CCDC102A: variants seen among roughly 807,000 people sequenced by gnomAD.
CCDC102A encodes coiled-coil domain containing 102A.
CCDC102A carries 40 observed loss-of-function variants against 55.5 expected under a neutral mutation model. That is an observed-to-expected ratio of 0.72 (90% CI 0.56 to 0.94). The LOEUF (loss-of-function observed/expected upper bound fraction) is 0.94. CCDC102A is among the 40% of genes least tolerant of loss of function. CCDC102A has a pLI of 0.00. For synonymous variants in CCDC102A, 323 were observed against 339.0 expected (o/e 0.95, Z 0.52); for missense variants, 779 against 768.6 (o/e 1.01, Z -0.16).
At chr16:57,528,572 C>T in intron 2 of CCDC102A, 21 bp downstream of exon 2, 1 of 1,219,202 alleles carries the variant, frequency 8.2e-7, no homozygotes, top group Non-Finnish European at 1.0e-6. Flanking sequence ...GGAGCGCGAA[C>T]GCCCCGCCCG....
chr16:57,512,625 G>A lies in CCDC102A; in HGVS notation c.*116C>T, dbSNP rs529673862. The stretch of plus-strand genomic sequence containing the variant: ...CCATCCCTGGGAGAGAAGAAAGTCG[G>A]CTGTGGCAGGGACTGGTCCCAGAGT... On this transcript the variant is annotated 3_prime_UTR_variant, in exon 9 of 9. Transcript: ENST00000258214. The A allele has an allele frequency of 2.3e-6, 3 of 1,306,968 alleles. No individual in the cohort carries two copies. The East Asian group carries it at 7.2e-5, about 31-fold the overall frequency. 81.0% of individuals were successfully genotyped at this position (1,306,968 alleles called of 1,614,324 possible).
chr16:57,515,729 G>A (rs187723562), intron 7 of CCDC102A, among the ~76,000 whole-genome samples: 11 of 151,488 alleles, frequency 7.3e-5, no homozygotes, highest in African/African-American at 1.7e-4. Flanking sequence ...TCTGTCCATC[G>A]GACCATTCGT....
At chr16:57,534,445 T>C (rs1452764416) in intron 1 of CCDC102A, among the ~76,000 whole-genome samples, 1 of 152,222 alleles carries the variant, frequency 6.6e-6, no homozygotes, top group Non-Finnish European at 1.5e-5. Flanking sequence ...TGGACTTGTC[T>C]GGAATATCTC....
chr16:57,528,653 C>A lies in CCDC102A; in HGVS notation c.525G>T (p.Glu175Asp). The A allele has an allele frequency of 8.5e-7, 1 of 1,180,944 alleles. No individual in the cohort carries two copies. The highest frequency in any genetic ancestry group is 2.5e-5 in the South Asian group (1 of 39,866). The allele number at this position is 1,180,944 out of a possible 1,614,324, so 73.2% of individuals were successfully genotyped here. Residue 175 changes from glutamate to aspartate, a missense_variant, in exon 2 of 9, where the codon GAG becomes GAT. Physicochemically the swap from Glu to Asp is conservative, Grantham distance 45. Coordinates refer to ENST00000258214, the MANE Select transcript of CCDC102A (RefSeq NM_033212.4). Reference protein sequence around the residue: ...GVADQTRDGPEPEAEREPVRD... With the variant: ...GVADQTRDGPDPEAEREPVRD... ...GCACTGGCTCGCGCTCCGCTTCCGG[C>A]TCGGGGCCGTCGCGCGTCTGGTCGG... is the stretch of plus-strand genomic sequence containing the variant.
chr16:57,528,888 C>A lies in CCDC102A; in HGVS notation c.290G>T (p.Trp97Leu). 7.2e-7 allele frequency: 1 copy of A among 1,397,028 alleles called. No homozygotes were observed. Among genetic ancestry groups the A allele is most frequent in the Admixed American group, 2.8e-5 (1 of 35,364 alleles). The allele number at this position is 1,397,028 out of a possible 1,614,324, so 86.5% of individuals were successfully genotyped here. The change falls in exon 2 of 9, where the codon TGG becomes TTG. Residue 97 changes from tryptophan to leucine, a missense_variant. Physicochemically the swap from Trp to Leu is moderately conservative, Grantham distance 61 (BLOSUM62 -2). Coordinates refer to ENST00000258214, the MANE Select transcript of CCDC102A (RefSeq NM_033212.4). The part of the protein sequence containing the change: ...AAQMEKTMRR[W>L]SDCTANWREK... ...GCGCCAATTGGCAGTGCAGTCCGAC[C>A]ACCGGCGCATGGTCTTCTCCATCTG...
At position 57,529,196 on chromosome 16, in the gene CCDC102A, C is replaced by A; in HGVS notation, c.-19G>T. 1 of 1,175,164 alleles carries A rather than the reference C, an allele frequency of 8.5e-7. No individual in the cohort carries two copies. Among genetic ancestry groups the A allele is most frequent in the Non-Finnish European group, 1.1e-6 (1 of 950,892 alleles). 72.8% of individuals were successfully genotyped at this position (1,175,164 alleles called of 1,614,324 possible). A position where few individuals can be genotyped will look rare whatever the true frequency, so the allele number is the denominator to read the frequency against. On this transcript the variant is annotated 5_prime_UTR_variant, in exon 2 of 9. It adds an upstream start codon to the 5' untranslated region. Transcript: ENST00000258214. The surrounding 1 kb of genome is among the most constrained non-coding windows in gnomAD (Gnocchi z 4.1). ...GGCTCATGGTGCGGCCGGGCGGGCC[C>A]TGAGCTCGAACTCGCGGTCGGGCTC... is the stretch of plus-strand genomic sequence containing the variant.
Position 57,512,761 on chromosome 16 carries a change from G to GGTCCTC in CCDC102A, c.1627_1632dup (p.Glu543_Asp544dup), listed in dbSNP as rs750193714. ...AAGCTCTAGGCCACCTGGATTTGCAGGTCCTCGTCCTCGTCCAGGTCACTG... is the reference window on the plus strand; with the variant it reads ...AAGCTCTAGGCCACCTGGATTTGCAGGTCCTCGTCCTCGTCCTCGTCCAGGTCACTG... On this transcript the variant is annotated inframe_insertion, in exon 9 of 9. Coordinates refer to ENST00000258214, the MANE Select transcript of CCDC102A (RefSeq NM_033212.4). The GGTCCTC allele has an allele frequency of 1.9e-6, 3 of 1,613,894 alleles. No individual in the cohort carries two copies. The highest frequency in any genetic ancestry group is 2.2e-5 in the East Asian group (1 of 44,874).
At chr16:57,522,247 TAG>T (rs1465645284) in intron 3 of CCDC102A, among the ~76,000 whole-genome samples, 1 of 152,246 alleles carries the variant, frequency 6.6e-6, no homozygotes, top group Non-Finnish European at 1.5e-5. Flanking sequence ...TCTTTGTTTT[TAG>T]AGAGAGGATC....
chr16:57,526,049 C>G lies in CCDC102A; in HGVS notation c.664G>C (p.Ala222Pro). 6.3e-7 allele frequency: 1 copy of G among 1,593,506 alleles called. No individual in the cohort carries two copies. The highest frequency in any genetic ancestry group is 1.1e-5 in the South Asian group (1 of 89,538). ...EDCWEARSLG[A>P]GGPRGSSGRQ... ...CCTGAGCTGCCCCGCGGGCCCCCAG[C>G]CCCCAGGCTGCGCGCCTCCCAGCAG... The change falls in exon 3 of 9, where the codon GCT (alanine) becomes CCT (proline). Residue 222 changes from alanine (A) to proline (P), a missense_variant. Transcript: ENST00000258214.
At chr16:57,518,480 C>G in intron 5 of CCDC102A, 145 bp downstream of exon 5, 1 of 804,524 alleles carries the variant, frequency 1.2e-6, no homozygotes, top group Non-Finnish European at 2.0e-6. Context: ...AGGCCTGCCT[C>G]TTGCAGATCA....
intron 1 of CCDC102A, among the ~76,000 whole-genome samples, chr16:57,535,234 G>GT (rs1475302256): frequency 6.6e-6 from 1 of 152,184 alleles, no homozygotes; most frequent in Non-Finnish European, 1.5e-5. Flanking sequence ...CAGGACCTCT[G>GT]GGGGGAGCTG....
In CCDC102A at chr16:57,516,346, G is replaced by T. The variant is rs945042090; in HGVS notation, c.1366C>A (p.Leu456Met). The change falls in exon 7 of 9, where the codon CTG becomes ATG. Residue 456 changes from leucine (L) to methionine (M), a missense_variant. Leu to Met is a conservative substitution (Grantham distance 15). Coordinates refer to ENST00000258214, the MANE Select transcript of CCDC102A (RefSeq NM_033212.4). The surrounding 1 kb of genome is among the most constrained non-coding windows in gnomAD (Gnocchi z 4.4). Reference sequence around the variant, plus strand: ...TTGAGCTCCTCCACCCGCAGCCGCAGCTTCTTCACCTCAGCCTCGTGCTGC... The same window carrying T: ...TTGAGCTCCTCCACCCGCAGCCGCATCTTCTTCACCTCAGCCTCGTGCTGC... ...VEQHEAEVKK[L>M]RLRVEELKKE... 4 of 1,608,556 alleles carry T rather than the reference G, an allele frequency of 2.5e-6. No individual in the cohort carries two copies. Among genetic ancestry groups the T allele is most frequent in the Non-Finnish European group, 1.7e-6 (2 of 1,180,012 alleles).
At chr16:57,534,035 G>A (rs2032325804) in intron 1 of CCDC102A, among the ~76,000 whole-genome samples, 1 of 152,222 alleles carries the variant, frequency 6.6e-6, no homozygotes, top group African/African-American at 2.4e-5. Flanking sequence ...CAGCCAGACA[G>A]GTCTATTACT....
Position 57,512,701 on chromosome 16 carries a change from C to T in CCDC102A, c.*40G>A, listed in dbSNP as rs1477512439. The T allele has an allele frequency of 6.3e-7, 1 of 1,589,476 alleles. No homozygotes were observed. Among genetic ancestry groups the T allele is most frequent in the African/African-American group, 1.3e-5 (1 of 74,436 alleles). On this transcript the variant is annotated 3_prime_UTR_variant, in exon 9 of 9. Coordinates refer to ENST00000258214, the MANE Select transcript of CCDC102A (RefSeq NM_033212.4). ...GTGGCTGGTTAGCCTGGACCCTGGG[C>T]AGGTATGGGGCGGCCCATCCTGCCC...
chr16:57,535,603 G>A (rs1238484872), intron 1 of CCDC102A, among the ~76,000 whole-genome samples: 2 of 152,032 alleles, frequency 1.3e-5, no homozygotes, highest in Admixed American at 6.5e-5. Flanking sequence ...ATGGTGGGGT[G>A]AACCTTCATG....
rs1555518785 is a variant in CCDC102A at position 57,512,513 on chromosome 16, T to TGTGC, written c.*227_*228insGCAC. 1 of 429,684 alleles carries TGTGC rather than the reference T, an allele frequency of 2.3e-6. No individual in the cohort carries two copies. The highest frequency in any genetic ancestry group is 4.1e-6 in the Non-Finnish European group (1 of 246,592). The allele number at this position is 429,684 out of a possible 1,614,324, so 26.6% of individuals were successfully genotyped here. A position where few individuals can be genotyped will look rare whatever the true frequency, so the allele number is the denominator to read the frequency against. On this transcript the variant is annotated 3_prime_UTR_variant, in exon 9 of 9. Transcript: ENST00000258214. ...AAATGGGTCCAAAGACTTCTGGGTGTGCGCGCGCGCGCGCGCGTGTGTGTA... is the reference window on the plus strand; with the variant it reads ...AAATGGGTCCAAAGACTTCTGGGTGTGTGCGCGCGCGCGCGCGCGCGTGTGTGTA...
At chr16:57,532,400 G>A (rs1369707922) in intron 1 of CCDC102A, among the ~76,000 whole-genome samples, 1 of 152,138 alleles carries the variant, frequency 6.6e-6, no homozygotes, top group East Asian at 1.9e-4. Context: ...GAGATCCCTA[G>A]CAGCCTGTGC....
rs547057955 is a variant in CCDC102A at position 57,520,896 on chromosome 16, C to T, written c.921+172G>A. Among the ~76,000 whole-genome samples, 189 of 149,366 alleles carry T rather than the reference C, an allele frequency of 1.3e-3. 1 individual carries two copies. Among genetic ancestry groups the T allele is most frequent in the African/African-American group, 4.5e-3 (184 of 40,538 alleles). On this transcript the variant is annotated intron_variant, in intron 4 of 8. Transcript: ENST00000258214. Reference sequence around the variant, plus strand: ...TGGAGGTTGCAGTGAGCCAAGATCACACCACTGCACTCCAGCCTAGGTGAC... The same window carrying T: ...TGGAGGTTGCAGTGAGCCAAGATCATACCACTGCACTCCAGCCTAGGTGAC...
At position 57,526,021 on chromosome 16, in the gene CCDC102A, C is replaced by T. The variant is rs140486249; in HGVS notation, c.692G>A (p.Arg231His). 2.7e-5 allele frequency: 44 copies of T among 1,602,656 alleles called. No individual in the cohort carries two copies. Among genetic ancestry groups the T allele is most frequent in the South Asian group, 7.8e-5 (7 of 90,212 alleles). Reference protein sequence around the residue: ...GAGGPRGSSGRQERSRLPWED... With the variant: ...GAGGPRGSSGHQERSRLPWED... ...CCAGGGTAGCCGGCTGCGCTCCTGGCGGCCTGAGCTGCCCCGCGGGCCCCC... is the reference window on the plus strand; with the variant it reads ...CCAGGGTAGCCGGCTGCGCTCCTGGTGGCCTGAGCTGCCCCGCGGGCCCCC... Residue 231 changes from arginine to histidine, a missense_variant, in exon 3 of 9, where the codon CGC (arginine) becomes CAC (histidine). Arg to His is a conservative substitution (Grantham distance 29). Coordinates refer to ENST00000258214, the MANE Select transcript of CCDC102A (RefSeq NM_033212.4).
Sources: gnomAD v4.1 joint callset for allele counts (sites outside exome capture counted in the v4.1 genomes callset) on GRCh38, gnomAD v4.1.1 for gene constraint, Gnocchi (gnomAD v3.1) non-coding constraint, MANE v1.5 for transcripts, NCBI Gene and HGNC (gene_info 2026-07-23, HGNC 2026-07-21) for gene names.